Variants in RFX1 observed in about 807,000 individuals in gnomAD.
The protein encoded by RFX1 is regulatory factor X1.
Under a neutral mutation model 119.6 loss-of-function variants are expected in RFX1, and 42 were observed. The observed-to-expected ratio is 0.35, with a 90% CI of 0.27 to 0.45. The LOEUF (loss-of-function observed/expected upper bound fraction) is 0.45, where lower values mean the gene tolerates loss of function less well. Ranked by LOEUF, RFX1 falls within the 20% of genes least tolerant of loss-of-function variation. RFX1 has a pLI of 1.00. For missense variants in RFX1, 1,118 were observed against 1,368.1 expected, an observed-to-expected ratio of 0.82 and a Z score of 2.88; for synonymous variants, 628 against 618.5, an observed-to-expected ratio of 1.02 and a Z score of -0.23.
rs751996060 is a variant in RFX1 at position 13,983,646 on chromosome 19, C to G, written c.320-51G>C. ...TTCTTCCTGCTTTCCCTGCCCCCAG[C>G]CTAAGCCTGAGCCCCCCTGGAGGGG... On this transcript the variant is annotated intron_variant, in intron 2 of 20. Transcript: ENST00000254325. The G allele has an allele frequency of 4.1e-6, 6 of 1,466,024 alleles. No individual in the cohort carries two copies. The East Asian group carries it at 1.2e-4, about 30-fold the overall frequency. The allele number at this position is 1,466,024 out of a possible 1,614,324, so 90.8% of individuals were successfully genotyped here. A position where few individuals can be genotyped will look rare whatever the true frequency, so the allele number is the denominator to read the frequency against.
chr19:13,978,324 C>CGGA (rs1449792522), intron 7 of RFX1, among the ~76,000 whole-genome samples: 1 of 151,992 alleles, frequency 6.6e-6, no homozygotes, highest in Non-Finnish European at 1.5e-5. Flanking sequence ...TGGGGCCTGA[C>CGGA]GGACAGTGGA....
In RFX1 at chr19:13,970,661, C is replaced by CAAAAA. The variant is rs1167910642; in HGVS notation, c.1315-491_1315-487dup. 2.3e-4 allele frequency among the ~76,000 whole-genome samples: 6 copies of CAAAAA among 25,828 alleles called. 1 individual carries two copies. The highest frequency in any genetic ancestry group is 3.8e-4 in the Non-Finnish European group (5 of 13,140). The allele number at this position is 25,828 out of a possible 152,430, so 16.9% of individuals were successfully genotyped here. A position where few individuals can be genotyped will look rare whatever the true frequency, so the allele number is the denominator to read the frequency against. The stretch of plus-strand genomic sequence containing the variant: ...GCCTGGATACAGTGAGACCTTGTCT[C>CAAAAA]AAAAAAAAAAAAAAAAAAAAAAAAA... On this transcript the variant is annotated intron_variant, in intron 9 of 20. Transcript: ENST00000254325.
At chr19:13,994,805 A>T (rs1974936597) in intron 1 of RFX1, among the ~76,000 whole-genome samples, 1 of 146,950 alleles carries the variant, frequency 6.8e-6, no homozygotes, top group Admixed American at 7.0e-5. Context: ...ATATATACAT[A>T]TATAGTATAT....
intron 2 of RFX1, among the ~76,000 whole-genome samples, chr19:13,984,942 C>T (rs189805651): frequency 6.6e-6 from 1 of 152,124 alleles, no homozygotes; most frequent in African/African-American, 2.4e-5. Context: ...TCACTGCAAC[C>T]TCTGTCCCCT....
In RFX1 at chr19:13,963,210, C is replaced by T. The variant is rs1317248124; in HGVS notation, c.2636G>A (p.Arg879Gln). 5.6e-6 allele frequency: 9 copies of T among 1,612,646 alleles called. No homozygotes were observed. The highest frequency in any genetic ancestry group is 1.3e-5 in the African/African-American group (1 of 74,896). Residue 879 changes from arginine to glutamine, a missense_variant, in exon 19 of 21, where the codon CGG (arginine) becomes CAG (glutamine). Physicochemically the swap from Arg to Gln is conservative, Grantham distance 43 (BLOSUM62 1). This residue lies in a region of RFX1 where 32 missense variants were observed against 71.5 expected (regional missense o/e 0.45). Coordinates refer to ENST00000254325, the MANE Select transcript of RFX1 (RefSeq NM_002918.5). Reference protein sequence around the residue: ...AASFGSFHLIRLLYDEYMYYL... With the variant: ...AASFGSFHLIQLLYDEYMYYL... ...GTACATGTACTCGTCGTAGAGCAGC[C>T]GGATGAGGTGGAAGGAACCGAAGCT...
intron 2 of RFX1, among the ~76,000 whole-genome samples, chr19:13,992,183 A>T (rs567791961): frequency 6.6e-6 from 1 of 152,266 alleles, no homozygotes; most frequent in South Asian, 2.1e-4. Context: ...AGGCGCCTGT[A>T]GTCCCAGCTA....
At chr19:13,983,055 G>A in intron 4 of RFX1, 132 bp downstream of exon 4, 1 of 683,678 alleles carries the variant, frequency 1.5e-6, no homozygotes, top group Non-Finnish European at 2.5e-6. Flanking sequence ...CCCAGAGCCA[G>A]GAGGTAGGGC....
At chr19:14,005,318 TC>T (rs1975336481) in intron 1 of RFX1, among the ~76,000 whole-genome samples, 2 of 152,184 alleles carry the variant, frequency 1.3e-5, no homozygotes, top group Non-Finnish European at 2.9e-5. Flanking sequence ...GACTCCTAGC[TC>T]CTCCATGAAA....
rs1239345815 is a variant in RFX1, at chr19:13,969,215, G to A, written c.1497-321C>T. Among the ~76,000 whole-genome samples, 1 of 152,080 alleles carries A rather than the reference G, an allele frequency of 6.6e-6. No individual in the cohort carries two copies. Among genetic ancestry groups the A allele is most frequent in the Non-Finnish European group, 1.5e-5 (1 of 68,006 alleles). ...TTGCAAAGGAGAGGAAGAGAGGGGC[G>A]GGTTCTTGGGATGCCTTCTTGTTCC... On this transcript the variant is annotated intron_variant, in intron 10 of 20. Transcript: ENST00000254325. The surrounding 1 kb of genome is among the most constrained non-coding windows in gnomAD (Gnocchi z 4.5).
At chr19:13,991,524 A>G (rs1974800565) in intron 2 of RFX1, among the ~76,000 whole-genome samples, 1 of 152,102 alleles carries the variant, frequency 6.6e-6, no homozygotes, top group South Asian at 2.1e-4. Context: ...CACTGCCCTG[A>G]GTCCCTGCAT....
rs544898730 is a variant in RFX1 at position 13,980,335 on chromosome 19, G to A, written c.738+238C>T. Among the ~76,000 whole-genome samples, 13 of 152,280 alleles carry A rather than the reference G, an allele frequency of 8.5e-5. No homozygotes were observed. The highest frequency in any genetic ancestry group is 1.4e-4 in the African/African-American group (6 of 41,562). On this transcript the variant is annotated intron_variant, in intron 6 of 20. Coordinates refer to ENST00000254325, the MANE Select transcript of RFX1 (RefSeq NM_002918.5). This position sits in a 1 kb window ranked among gnomAD's most constrained non-coding sequence, Gnocchi z 5.1. ...CCAAGCGGTTCCCATGGCCCACTACGCCCCAGTCTCCTTCCAGGAGGTTCA... is the reference window on the plus strand; with the variant it reads ...CCAAGCGGTTCCCATGGCCCACTACACCCCAGTCTCCTTCCAGGAGGTTCA...
Position 13,980,671 on chromosome 19 carries a change from T to G in RFX1, c.640A>C (p.Asn214His). 6.3e-7 allele frequency: 1 copy of G among 1,595,012 alleles called. No homozygotes were observed. Among genetic ancestry groups the G allele is most frequent in the Non-Finnish European group, 8.5e-7 (1 of 1,176,102 alleles). The change falls in exon 6 of 21, where the codon AAC (asparagine) becomes CAC (histidine). Residue 214 changes from asparagine to histidine, a missense_variant. Transcript: ENST00000254325. The surrounding 1 kb of genome is among the most constrained non-coding windows in gnomAD (Gnocchi z 5.1). ...CCGGCTGTCTTGCTGGAAGAGCTGT[T>G]GGCCTGCACCGGCGACTGCTGTAAG... ...SPPEQSPVQA[N>H]SSSSKTAGAP... is the part of the protein sequence containing the mutation.
At chr19:13,995,800 G>A (rs934373070) in intron 1 of RFX1, among the ~76,000 whole-genome samples, 1 of 140,562 alleles carries the variant, frequency 7.1e-6, no homozygotes, top group African/African-American at 2.8e-5. Flanking sequence ...GCAATGAGCC[G>A]AGATCTTGTC....
At chr19:14,003,267 C>T (rs577203366) in intron 1 of RFX1, among the ~76,000 whole-genome samples, 16 of 151,952 alleles carry the variant, frequency 1.1e-4, no homozygotes, top group Non-Finnish European at 2.2e-4. Flanking sequence ...GGAGTGAGCA[C>T]CCAAATTGAG....
At chr19:14,005,923 C>G (rs1290332806) in intron 1 of RFX1, among the ~76,000 whole-genome samples, 180 bp downstream of exon 1, 2 of 150,548 alleles carry the variant, frequency 1.3e-5, no homozygotes, top group South Asian at 2.1e-4. Context: ...GCCGCGGGGA[C>G]GGGGGCGGGT....
intron 20 of RFX1, 28 bp from the exon 21 acceptor site, chr19:13,962,892 G>C (rs912356431): frequency 6.5e-7 from 1 of 1,534,536 alleles, no homozygotes; most frequent in Non-Finnish European, 8.8e-7. Flanking sequence ...AGTCCGGCTC[G>C]GGGCGGGGTG....
chr19:13,963,630 G>A lies in RFX1; in HGVS notation c.2478C>T (p.Asp826=), dbSNP rs1200947508. Residue 826 remains aspartate (D), a synonymous_variant, in exon 18 of 21, where the codon GAC becomes GAT. Transcript: ENST00000254325. ...GCTTGAGCACCTGGCTCACCACGCCGTCCAGCCAGGCCGCCCACTGCTCCA... is the reference window on the plus strand; with the variant it reads ...GCTTGAGCACCTGGCTCACCACGCCATCCAGCCAGGCCGCCCACTGCTCCA... The part of the protein sequence containing the change: ...NSLEQWAAWL[D]GVVSQVLKPY... The A allele has an allele frequency of 1.2e-6, 2 of 1,601,620 alleles. No homozygotes were observed. Among genetic ancestry groups the A allele is most frequent in the Admixed American group, 3.4e-5 (2 of 59,390 alleles).
At chr19:13,983,066 A>G in intron 4 of RFX1, 121 bp downstream of exon 4, 1 of 741,850 alleles carries the variant, frequency 1.3e-6, no homozygotes. Flanking sequence ...GAGGTAGGGC[A>G]GCCCCTGGAT....
At chr19:13,984,332 G>A (rs1181288180) in intron 2 of RFX1, among the ~76,000 whole-genome samples, 2 of 150,078 alleles carry the variant, frequency 1.3e-5, no homozygotes, top group Admixed American at 6.7e-5. Flanking sequence ...TTATACCCAC[G>A]ACCTTGGGGC....
Sources: allele counts gnomAD v4.1 joint callset (sites outside exome capture counted in the v4.1 genomes callset), GRCh38; gene constraint gnomAD v4.1.1; regional missense constraint gnomAD v4.1.1; non-coding constraint Gnocchi (gnomAD v3.1); transcripts MANE v1.5; gene names NCBI Gene and HGNC (gene_info 2026-07-23, HGNC 2026-07-21).